Variants in PPP2R2B observed in about 807,000 individuals in gnomAD.
PPP2R2B encodes serine/threonine-protein phosphatase 2A 55 kDa regulatory subunit B beta isoform.
A neutral mutation model predicts 46.0 loss-of-function variants in PPP2R2B; 5 were observed. The observed-to-expected ratio is 0.11, with a 90% CI of 0.06 to 0.23. The LOEUF (loss-of-function observed/expected upper bound fraction) is 0.23. PPP2R2B is among the 10% of genes least tolerant of loss of function. The pLI is 1.00. For synonymous variants in PPP2R2B, 215 were observed against 206.7 expected (o/e 1.04, Z -0.34); for missense variants, 367 against 575.0 (o/e 0.64, Z 3.70).
At chr5:146,908,165 G>C (rs1763062765) in intron 1 of PPP2R2B, among the ~76,000 whole-genome samples, 1 of 152,224 alleles carries the variant, frequency 6.6e-6, no homozygotes, top group Non-Finnish European at 1.5e-5. Flanking sequence ...AGCCAAGACA[G>C]ATTTTAAAGT....
intron 1 of PPP2R2B, among the ~76,000 whole-genome samples, chr5:146,886,340 AAAATAAATAAAT>A (rs59329730): frequency 6.9e-6 from 1 of 145,222 alleles, no homozygotes; most frequent in African/African-American, 2.6e-5. Flanking sequence ...CTCCGTCTCA[AAAATAAATAAAT>A]AAATAAATAA....
At chr5:147,067,880 A>G (rs948246294) in intron 2 of PPP2R2B, among the ~76,000 whole-genome samples, 5 of 152,198 alleles carry the variant, frequency 3.3e-5, no homozygotes, top group Non-Finnish European at 7.3e-5. Flanking sequence ...AGAGACAACT[A>G]GCTGTCTGTA....
intron 8 of PPP2R2B, among the ~76,000 whole-genome samples, chr5:146,598,931 A>ATGTGC (rs1167194061): frequency 6.6e-6 from 1 of 152,188 alleles, no homozygotes; most frequent in African/African-American, 2.4e-5. Flanking sequence ...TTTGTGAGTA[A>ATGTGC]ACTAAGATCA....
rs1174472298 is a variant in PPP2R2B, at chr5:146,812,801, A to G, written c.70+65201T>C. ...TGTGTGTGTATATGTGTGTATATAT[A>G]TATATATATATATATATATATATAT... On this transcript the variant is annotated intron_variant, in intron 2 of 9. Coordinates refer to ENST00000394411, the MANE Select transcript of PPP2R2B (RefSeq NM_181675.4). Among the ~76,000 whole-genome samples, 4 of 51,184 alleles carry G rather than the reference A, an allele frequency of 7.8e-5. 1 individual carries two copies. Among genetic ancestry groups the G allele is most frequent in the African/African-American group, 3.2e-4 (4 of 12,526 alleles). The allele number at this position is 51,184 out of a possible 152,430, so 33.6% of individuals were successfully genotyped here.
chr5:146,789,334 C>A (rs1756044465), intron 2 of PPP2R2B, among the ~76,000 whole-genome samples: 1 of 152,128 alleles, frequency 6.6e-6, no homozygotes, highest in Non-Finnish European at 1.5e-5. Context: ...ATAAAACTTT[C>A]AGTAACATGT....
intron 2 of PPP2R2B, among the ~76,000 whole-genome samples, chr5:146,777,806 G>C (rs1163031076): frequency 6.6e-6 from 1 of 152,130 alleles, no homozygotes; most frequent in Non-Finnish European, 1.5e-5. Flanking sequence ...CAGATAGCTG[G>C]AACAGGCAAA....
intron 2 of PPP2R2B, among the ~76,000 whole-genome samples, chr5:146,832,260 A>G (rs779189101): frequency 2.0e-5 from 3 of 152,158 alleles, no homozygotes; most frequent in Non-Finnish European, 4.4e-5. Context: ...AGCAGTGTAC[A>G]ATAATGTCCT....
intron 2 of PPP2R2B, among the ~76,000 whole-genome samples, chr5:146,784,015 AAGC>A (rs1755692012): frequency 6.6e-6 from 1 of 152,174 alleles, no homozygotes; most frequent in Non-Finnish European, 1.5e-5. Flanking sequence ...CACACAAAGG[AAGC>A]AGAAGCACCG....
At chr5:146,898,045 T>C (rs1762703223) in intron 1 of PPP2R2B, among the ~76,000 whole-genome samples, 1 of 151,776 alleles carries the variant, frequency 6.6e-6, no homozygotes, top group Non-Finnish European at 1.5e-5. Flanking sequence ...ATTAGCCGGG[T>C]GTGGTGGCAG....
chr5:146,746,133 G>A (rs1333551617), intron 2 of PPP2R2B, among the ~76,000 whole-genome samples: 1 of 152,150 alleles, frequency 6.6e-6, no homozygotes, highest in East Asian at 1.9e-4. Context: ...CACCTGTGAT[G>A]GCCATGCAGC....
intron 5 of PPP2R2B, among the ~76,000 whole-genome samples, chr5:146,655,840 A>T (rs2151100637): frequency 6.6e-6 from 1 of 151,710 alleles, no homozygotes; most frequent in South Asian, 2.1e-4. Flanking sequence ...CAGACCTCAG[A>T]AAGGAGAAGA....
chr5:147,010,673 A>G (rs1345774481), intron 1 of PPP2R2B, among the ~76,000 whole-genome samples: 4 of 152,098 alleles, frequency 2.6e-5, no homozygotes, highest in Non-Finnish European at 5.9e-5. Flanking sequence ...ATGAAGCTTC[A>G]CTTTGCTTGC....
In PPP2R2B at chr5:146,878,534, T is replaced by A; in HGVS notation, c.-125+57A>T. ...AGAGCGGGCAGCCGCGACAAAATGG[T>A]GCCTTTCTGGACCCGAGCTGCAGTG... On this transcript the variant is annotated intron_variant, in intron 1 of 9. Coordinates refer to ENST00000394411, the MANE Select transcript of PPP2R2B (RefSeq NM_181675.4). This position sits in a 1 kb window ranked among gnomAD's most constrained non-coding sequence, Gnocchi z 4.5. 1 of 1,268,650 alleles carries A rather than the reference T, an allele frequency of 7.9e-7. No homozygotes were observed. Among genetic ancestry groups the A allele is most frequent in the Non-Finnish European group, 1.0e-6 (1 of 990,642 alleles). The allele number at this position is 1,268,650 out of a possible 1,614,324, so 78.6% of individuals were successfully genotyped here. A position where few individuals can be genotyped will look rare whatever the true frequency, so the allele number is the denominator to read the frequency against.
intron 2 of PPP2R2B, among the ~76,000 whole-genome samples, chr5:146,830,083 G>T (rs1758834253): frequency 6.6e-6 from 1 of 152,144 alleles, no homozygotes; most frequent in African/African-American, 2.4e-5. Context: ...ATGCTCAATA[G>T]ATGTTTCTTT....
At chr5:147,035,304 T>C in intron 1 of PPP2R2B, 1 of 352,138 alleles carries the variant, frequency 2.8e-6, no homozygotes, top group Non-Finnish European at 5.5e-6. Flanking sequence ...TTTTCAACCA[T>C]TAGATCTCAT....
intron 9 of PPP2R2B, 54 bp downstream of exon 9, chr5:146,592,917 G>A (rs1330668004): frequency 2.0e-6 from 3 of 1,522,222 alleles, no homozygotes; most frequent in African/African-American, 2.7e-5. Flanking sequence ...TAAATTCCCT[G>A]AGCCTCTTCA....
At chr5:146,828,478 T>C (rs908272582) in intron 2 of PPP2R2B, among the ~76,000 whole-genome samples, 1 of 152,164 alleles carries the variant, frequency 6.6e-6, no homozygotes. Context: ...CTGCTTTCTT[T>C]GTAATGAGTT....
chr5:146,892,709 G>A (rs1422351761), intron 1 of PPP2R2B, among the ~76,000 whole-genome samples: 4 of 152,182 alleles, frequency 2.6e-5, no homozygotes, highest in South Asian at 4.2e-4. Flanking sequence ...CAGTGTTCTG[G>A]GAAAAGAGGT....
intron 2 of PPP2R2B, among the ~76,000 whole-genome samples, chr5:146,708,188 T>G (rs997669831): frequency 3.9e-5 from 6 of 152,068 alleles, no homozygotes; most frequent in Admixed American, 6.6e-5. Flanking sequence ...AAACACCATT[T>G]CTACCAAAAA....
Sources: allele counts gnomAD v4.1 joint callset (sites outside exome capture counted in the v4.1 genomes callset), GRCh38; gene constraint gnomAD v4.1.1; non-coding constraint Gnocchi (gnomAD v3.1); transcripts MANE v1.5; gene names NCBI Gene and HGNC (gene_info 2026-07-23, HGNC 2026-07-21).